The following SNW1 variants were observed in gnomAD, a reference collection of about 807,000 sequenced individuals.
The protein encoded by SNW1 is SNW domain-containing protein 1.
A neutral mutation model predicts 75.6 loss-of-function variants in SNW1; 9 were observed. The observed-to-expected ratio is 0.12, with a 90% CI of 0.07 to 0.21. SNW1 has a LOEUF of 0.21. Ranked by LOEUF, SNW1 falls within the 10% of genes least tolerant of loss-of-function variation. The pLI, the probability that SNW1 is intolerant of heterozygous loss-of-function variation, is 1.00. For missense variants in SNW1, 409 were observed against 670.9 expected, an observed-to-expected ratio of 0.61 and a Z score of 4.31; for synonymous variants, 200 against 219.1, an observed-to-expected ratio of 0.91 and a Z score of 0.77.
At position 77,717,787 on chromosome 14, in the gene SNW1, C is replaced by T. The variant is rs1015171172; in HGVS notation, c.*301G>A. The T allele has an allele frequency of 1.7e-6, 1 of 593,188 alleles. No homozygotes were observed. The highest frequency in any genetic ancestry group is 3.0e-6 in the Non-Finnish European group (1 of 337,276). 36.7% of individuals were successfully genotyped at this position (593,188 alleles called of 1,614,324 possible). A position where few individuals can be genotyped will look rare whatever the true frequency, so the allele number is the denominator to read the frequency against. On this transcript the variant is annotated 3_prime_UTR_variant, in exon 14 of 14. Transcript: ENST00000261531. Reference sequence around the variant, plus strand: ...CATATGCAGCTGTTCTTACACAAAACATTAACCCCAAACTACTAGTGTCAC... The same window carrying T: ...CATATGCAGCTGTTCTTACACAAAATATTAACCCCAAACTACTAGTGTCAC...
At chr14:77,748,418 T>C (rs2080781342) in intron 3 of SNW1, among the ~76,000 whole-genome samples, 1 of 150,758 alleles carries the variant, frequency 6.6e-6, no homozygotes, top group African/African-American at 2.4e-5. Flanking sequence ...AATACTAAAA[T>C]AAATAAATAA....
intron 1 of SNW1, chr14:77,760,538 G>A (rs1050830061): frequency 6.2e-6 from 4 of 645,970 alleles, no homozygotes; most frequent in Middle Eastern, 2.5e-4. Context: ...TTCTATCTAC[G>A]GAAGAAATTC....
chr14:77,739,407 A>G (rs1268519078), intron 3 of SNW1, among the ~76,000 whole-genome samples: 1 of 152,202 alleles, frequency 6.6e-6, no homozygotes, highest in African/African-American at 2.4e-5. Flanking sequence ...TGCCTATAGC[A>G]CCATTAACCT....
chr14:77,735,072 G>C lies in SNW1; in HGVS notation c.709-60C>G, dbSNP rs907214761. 8.0e-6 allele frequency: 10 copies of C among 1,246,228 alleles called. 1 individual carries two copies. The highest frequency in any genetic ancestry group is 6.3e-5 in the South Asian group (5 of 79,836). 77.2% of individuals were successfully genotyped at this position (1,246,228 alleles called of 1,614,324 possible). On this transcript the variant is annotated intron_variant, in intron 7 of 13. Transcript: ENST00000261531. ...TTTATAGTCTACAAAGTAAATCTAA[G>C]TATAATCTTTATCTTCAAAGACAGC...
At chr14:77,734,435 A>G (rs898847444) in intron 8 of SNW1, among the ~76,000 whole-genome samples, 1 of 152,144 alleles carries the variant, frequency 6.6e-6, no homozygotes, top group Admixed American at 6.6e-5. Context: ...GCTAGCTACA[A>G]TTCACTAAAA....
intron 1 of SNW1, chr14:77,760,798 G>T: frequency 1.4e-6 from 1 of 710,116 alleles, no homozygotes; most frequent in South Asian, 1.5e-5. Flanking sequence ...TCGTTCGCCC[G>T]AGCCGCGGAC....
chr14:77,722,370 G>C (rs1243281386), intron 11 of SNW1: 1 of 346,168 alleles, frequency 2.9e-6, no homozygotes, highest in Admixed American at 3.8e-5. Flanking sequence ...TTTCTGAACT[G>C]TAAGTTAAAC....
Position 77,717,634 on chromosome 14 carries a change from G to A in SNW1, c.*454C>T. On this transcript the variant is annotated 3_prime_UTR_variant, in exon 14 of 14. Transcript: ENST00000261531. ...ATGTTTTTATTTGAAACAAATAGTT[G>A]CACCAAGCAAGAGGTTACTTTGCCC... 1 of 1,449,404 alleles carries A rather than the reference G, an allele frequency of 6.9e-7. No individual in the cohort carries two copies. Among genetic ancestry groups the A allele is most frequent in the South Asian group, 1.2e-5 (1 of 85,246 alleles). The allele number at this position is 1,449,404 out of a possible 1,614,324, so 89.8% of individuals were successfully genotyped here. A position where few individuals can be genotyped will look rare whatever the true frequency, so the allele number is the denominator to read the frequency against.
chr14:77,747,394 G>A (rs2051611994), intron 3 of SNW1, among the ~76,000 whole-genome samples: 1 of 150,644 alleles, frequency 6.6e-6, no homozygotes, highest in Admixed American at 6.6e-5. Flanking sequence ...TGGGATGTGA[G>A]GAGCCCCTCT....
chr14:77,719,943 G>A (rs1013691573), intron 12 of SNW1, among the ~76,000 whole-genome samples: 53 of 152,154 alleles, frequency 3.5e-4, no homozygotes, highest in African/African-American at 1.1e-3. Flanking sequence ...TTGTGTGTGC[G>A]CATGCGCCCG....
chr14:77,736,430 A>T (rs4383070), intron 6 of SNW1, among the ~76,000 whole-genome samples: 127,519 of 151,924 alleles, frequency 0.84, 53,606 homozygotes, highest in African/African-American at 0.87. Flanking sequence ...ACGCCTGTAA[A>T]CCCAGCTACT....
intron 10 of SNW1, 179 bp downstream of exon 10, chr14:77,730,809 T>C (rs2080621813): frequency 3.3e-6 from 2 of 613,072 alleles, no homozygotes; most frequent in Admixed American, 3.5e-5. Flanking sequence ...ACTTTTTTCT[T>C]ATCTCCTGTT....
chr14:77,736,853 A>C, intron 6 of SNW1, 118 bp downstream of exon 6: 1 of 708,426 alleles, frequency 1.4e-6, no homozygotes, highest in Non-Finnish European at 2.4e-6. Flanking sequence ...CTGGAGTTTT[A>C]GATAAATGGA....
intron 12 of SNW1, among the ~76,000 whole-genome samples, chr14:77,720,084 G>T (rs1254644016): frequency 6.6e-6 from 1 of 152,126 alleles, no homozygotes; most frequent in East Asian, 1.9e-4. Context: ...ATCCCAAATT[G>T]ATATATTTCT....
Position 77,732,694 on chromosome 14 carries a change from T to A in SNW1, c.775-93A>T. 6 of 751,980 alleles carry A rather than the reference T, an allele frequency of 8.0e-6. 1 individual carries two copies. In the South Asian group the frequency reaches 8.2e-5, roughly 10 times the overall value. 46.6% of individuals were successfully genotyped at this position (751,980 alleles called of 1,614,324 possible). On this transcript the variant is annotated intron_variant, in intron 8 of 13. Coordinates refer to ENST00000261531, the MANE Select transcript of SNW1 (RefSeq NM_012245.3). ...ATTTTATTTTTTTCGAGCTGGAGTC[T>A]TGCTCTGTCACCCTGGCTGGAGGGC...
At chr14:77,744,367 A>C (rs1206170692) in intron 3 of SNW1, among the ~76,000 whole-genome samples, 3 of 149,746 alleles carry the variant, frequency 2.0e-5, no homozygotes, top group African/African-American at 7.4e-5. Flanking sequence ...AGGCAGAAGA[A>C]TCACTTAAAC....
intron 3 of SNW1, among the ~76,000 whole-genome samples, chr14:77,747,170 C>T (rs1303429819): frequency 2.6e-5 from 4 of 152,206 alleles, no homozygotes; most frequent in Non-Finnish European, 4.4e-5. Context: ...CTGCCAGCCT[C>T]GGCCTCCCGA....
At chr14:77,734,144 T>C (rs1019204160) in intron 8 of SNW1, 1 of 208,634 alleles carries the variant, frequency 4.8e-6, no homozygotes, top group African/African-American at 2.3e-5. Flanking sequence ...AAACAGTAAC[T>C]AGCAAATCTA....
intron 3 of SNW1, among the ~76,000 whole-genome samples, chr14:77,744,911 A>G (rs2080748672): frequency 1.3e-5 from 2 of 152,178 alleles, no homozygotes; most frequent in African/African-American, 4.8e-5. Context: ...TTCTCCATGT[A>G]TAGGGGCCTA....
Sources: gnomAD v4.1 joint callset for allele counts (sites outside exome capture counted in the v4.1 genomes callset) on GRCh38, gnomAD v4.1.1 for gene constraint, MANE v1.5 for transcripts, NCBI Gene and HGNC (gene_info 2026-07-23, HGNC 2026-07-21) for gene names.